The following CPNE8 variants were observed in gnomAD, a reference collection of about 807,000 sequenced individuals.
CPNE8 encodes copine 8.
CPNE8 carries 45 observed loss-of-function variants against 81.5 expected under a neutral mutation model. That is an observed-to-expected ratio of 0.55 (90% CI 0.44 to 0.71). CPNE8 has a LOEUF of 0.71. Ranked by LOEUF, CPNE8 falls within the 30% of genes least tolerant of loss-of-function variation. The probability of loss-of-function intolerance (pLI) is 0.00; values close to 1 mark genes in which losing one functional copy is unlikely to be tolerated. For synonymous variants in CPNE8, 252 were observed against 226.3 expected (o/e 1.11, Z -1.02); for missense variants, 594 against 672.1 (o/e 0.88, Z 1.28).
chr12:38,703,691 T>C (rs559094552), intron 13 of CPNE8, among the ~76,000 whole-genome samples: 11 of 152,242 alleles, frequency 7.2e-5, no homozygotes, highest in Admixed American at 7.2e-4. Context: ...ATTCTATACC[T>C]AGAAAATCCT....
At chr12:38,754,235 C>G (rs576108673) in intron 10 of CPNE8, among the ~76,000 whole-genome samples, 1 of 152,144 alleles carries the variant, frequency 6.6e-6, no homozygotes, top group South Asian at 2.1e-4. Context: ...AGGACAAACA[C>G]CAAAACTGCA....
chr12:38,685,788 C>T (rs1318414991), intron 15 of CPNE8, 171 bp from the exon 16 acceptor site: 1 of 528,308 alleles, frequency 1.9e-6, no homozygotes, highest in Non-Finnish European at 3.3e-6. Context: ...AAGTGATCAA[C>T]AATCGATTAT....
Position 38,760,864 on chromosome 12 carries a change from G to A in CPNE8, c.705C>T (p.Asp235=). ...YDRTIKVEVY[D]WDRDGSHDFI... is the part of the protein sequence containing the mutation. ...TGTCTTACCTTCCATCTCGGTCCCAGTCATACACCTCTACTTTGATTGTTC... is the reference window on the plus strand; with the variant it reads ...TGTCTTACCTTCCATCTCGGTCCCAATCATACACCTCTACTTTGATTGTTC... The change falls in exon 10 of 20, where the codon GAC becomes GAT. Residue 235 remains aspartate, a synonymous_variant. Coordinates refer to ENST00000331366, the MANE Select transcript of CPNE8 (RefSeq NM_153634.3). 1.9e-6 allele frequency: 3 copies of A among 1,583,334 alleles called. No individual in the cohort carries two copies. Among genetic ancestry groups the A allele is most frequent in the Non-Finnish European group, 2.6e-6 (3 of 1,169,816 alleles).
At chr12:38,782,138 G>A (rs1942066335) in intron 6 of CPNE8, among the ~76,000 whole-genome samples, 1 of 152,080 alleles carries the variant, frequency 6.6e-6, no homozygotes, top group African/African-American at 2.4e-5. Flanking sequence ...GTTAATGTTA[G>A]AAGAAACTGG....
At chr12:38,699,685 G>A (rs2387984) in intron 14 of CPNE8, among the ~76,000 whole-genome samples, 1 of 151,220 alleles carries the variant, frequency 6.6e-6, no homozygotes, top group Non-Finnish European at 1.5e-5. Flanking sequence ...TATACTCTAC[G>A]AAGCTTTCTA....
At chr12:38,762,671 AAGTT>A (rs1248715580) in intron 8 of CPNE8, among the ~76,000 whole-genome samples, 6 of 152,180 alleles carry the variant, frequency 3.9e-5, no homozygotes, top group Non-Finnish European at 5.9e-5. Context: ...AAAAAGAAAA[AAGTT>A]AGGCTAATTT....
intron 6 of CPNE8, among the ~76,000 whole-genome samples, chr12:38,793,094 T>C (rs1238140491): frequency 1.3e-5 from 2 of 151,800 alleles, no homozygotes; most frequent in African/African-American, 2.4e-5. Context: ...AAAGGTGGTA[T>C]ATGAAAAGTC....
chr12:38,839,891 T>C (rs1311120744), intron 5 of CPNE8, 25 bp downstream of exon 5: 4 of 1,546,104 alleles, frequency 2.6e-6, no homozygotes, highest in Non-Finnish European at 3.5e-6. Flanking sequence ...TATAATGTTA[T>C]AAAAACATAA....
intron 6 of CPNE8, among the ~76,000 whole-genome samples, chr12:38,787,204 T>C (rs1243588860): frequency 6.6e-6 from 1 of 152,126 alleles, no homozygotes; most frequent in Admixed American, 6.6e-5. Flanking sequence ...CCATATTTTA[T>C]GTCACAAAAC....
chr12:38,775,021 C>A (rs751711726), intron 7 of CPNE8, among the ~76,000 whole-genome samples: 18 of 152,154 alleles, frequency 1.2e-4, no homozygotes, highest in Non-Finnish European at 5.9e-5. Flanking sequence ...AGCTGTAATA[C>A]CCAGTTTCTA....
rs1332640026 is a variant in CPNE8, at chr12:38,702,930, G to A, written c.915-9C>T. On this transcript the variant is annotated splice_polypyrimidine_tract_variant and intron_variant, in intron 13 of 19. Coordinates refer to ENST00000331366, the MANE Select transcript of CPNE8 (RefSeq NM_153634.3). ...TGAAATTGATTTGCGTCCTGGAATA[G>A]AAGTAAACAAGACTCATTAATAATG... 1 of 1,566,066 alleles carries A rather than the reference G, an allele frequency of 6.4e-7. No individual in the cohort carries two copies.
At chr12:38,707,378 A>G (rs970856528) in intron 13 of CPNE8, among the ~76,000 whole-genome samples, 3 of 152,152 alleles carry the variant, frequency 2.0e-5, no homozygotes, top group Non-Finnish European at 4.4e-5. Context: ...ATCAATAGCT[A>G]AACTAAATTA....
intron 14 of CPNE8, among the ~76,000 whole-genome samples, chr12:38,697,013 C>G (rs1939814174): frequency 6.6e-6 from 1 of 152,178 alleles, no homozygotes; most frequent in South Asian, 2.1e-4. Context: ...CACCCCTGTA[C>G]TCCAGCCTGG....
chr12:38,872,613 T>A (rs144516811), intron 3 of CPNE8, among the ~76,000 whole-genome samples: 1 of 152,214 alleles, frequency 6.6e-6, no homozygotes, highest in Non-Finnish European at 1.5e-5. Flanking sequence ...TTGCAAAAAG[T>A]AGGCAATATT....
intron 5 of CPNE8, 108 bp downstream of exon 5, chr12:38,839,807 TC>T: frequency 1.0e-6 from 1 of 984,424 alleles, no homozygotes; most frequent in Non-Finnish European, 1.4e-6. Context: ...TCTATGACAA[TC>T]ACGTTACATG....
chr12:38,679,672 C>T (rs1939369226), intron 16 of CPNE8: 4 of 985,042 alleles, frequency 4.1e-6, no homozygotes, highest in Non-Finnish European at 4.8e-6. Flanking sequence ...TTCTTTGGCA[C>T]TTGTTCTACA....
intron 19 of CPNE8, among the ~76,000 whole-genome samples, chr12:38,656,023 G>T (rs562840241): frequency 2.0e-5 from 3 of 148,976 alleles, no homozygotes; most frequent in Non-Finnish European, 4.4e-5. Context: ...AAGAGAATGA[G>T]AATTAGAACT....
rs149075345 is a variant in CPNE8 at position 38,901,703 on chromosome 12, C to A, written c.98+3734G>T. On this transcript the variant is annotated intron_variant, in intron 1 of 19. Transcript: ENST00000331366. The stretch of plus-strand genomic sequence containing the variant: ...TACATCTAGAAAAGGGTACCTCTCA[C>A]CCCCTTAACACAAATTTAAGTGGCT... Among the ~76,000 whole-genome samples, 663 of 152,238 alleles carry A rather than the reference C, an allele frequency of 4.4e-3. 4 individuals are homozygous for A. Among genetic ancestry groups the A allele is most frequent in the Middle Eastern group, 0.024 (7 of 294 alleles).
At chr12:38,789,057 T>C (rs1095571) in intron 6 of CPNE8, among the ~76,000 whole-genome samples, 122,799 of 151,908 alleles carry the variant, frequency 0.81, 51,840 homozygotes, top group Non-Finnish European at 0.93. Context: ...AATGCAATCC[T>C]TATCAAAATA....
Sources: gnomAD v4.1 joint callset for allele counts (sites outside exome capture counted in the v4.1 genomes callset) on GRCh38, gnomAD v4.1.1 for gene constraint, MANE v1.5 for transcripts, NCBI Gene and HGNC (gene_info 2026-07-23, HGNC 2026-07-21) for gene names.